The following LOC400499 variants were observed in gnomAD, a reference collection of about 807,000 sequenced individuals.
the LOC400499 span, chr16:11,387,198 G>A: frequency 3.2e-6 from 4 of 1,232,158 alleles, no homozygotes; most frequent in East Asian, 6.3e-5. Context: ...AGCGGCCGCA[G>A]CAGCTTCTCC....
chr16:11,513,510 C>G, the LOC400499 span, among the ~76,000 whole-genome samples: 14 of 152,134 alleles, frequency 9.2e-5, no homozygotes, highest in African/African-American at 2.9e-4. Context: ...TGGCTCACTG[C>G]ACCTCCGCCT....
chr16:11,395,591 C>T, the LOC400499 span, among the ~76,000 whole-genome samples: 2 of 152,188 alleles, frequency 1.3e-5, no homozygotes, highest in Admixed American at 6.5e-5. Flanking sequence ...TCATTCAGCT[C>T]GGATGCCGGG....
chr16:11,498,743 G>A, the LOC400499 span, among the ~76,000 whole-genome samples: 2 of 151,708 alleles, frequency 1.3e-5, no homozygotes, highest in African/African-American at 4.8e-5. Flanking sequence ...TGTGAGGCAG[G>A]TAGAGGAAGC....
At chr16:11,399,242 C>T in the LOC400499 span, 1 of 985,390 alleles carries the variant, frequency 1.0e-6, no homozygotes. Context: ...TTCCCAGCAT[C>T]TCGGGCCGTT....
the LOC400499 span, among the ~76,000 whole-genome samples, chr16:11,473,343 A>T: frequency 8.0e-6 from 1 of 125,656 alleles, no homozygotes; most frequent in African/African-American, 3.1e-5. Flanking sequence ...ACCTTACTCT[A>T]AAAAAAAAAA....
the LOC400499 span, among the ~76,000 whole-genome samples, chr16:11,473,432 G>T: frequency 6.6e-6 from 1 of 151,710 alleles, no homozygotes; most frequent in Non-Finnish European, 1.5e-5. Flanking sequence ...ATCATATTCA[G>T]TGTTGCTGGC....
the LOC400499 span, among the ~76,000 whole-genome samples, chr16:11,434,578 G>C: frequency 6.6e-6 from 1 of 152,190 alleles, no homozygotes; most frequent in Non-Finnish European, 1.5e-5. Flanking sequence ...AAGACCCCCT[G>C]TTCCTGGCCA....
the LOC400499 span, among the ~76,000 whole-genome samples, chr16:11,374,088 T>C: frequency 1.3e-5 from 2 of 152,326 alleles, no homozygotes; most frequent in Admixed American, 1.3e-4. Context: ...AAACTACAAA[T>C]TTAGTAATTA....
chr16:11,384,198 G>T, the LOC400499 span: 1 of 1,227,674 alleles, frequency 8.1e-7, no homozygotes, highest in East Asian at 3.2e-5. Flanking sequence ...AGCAGGACAG[G>T]CAGGTGCACC....
At chr16:11,447,986 C>T in the LOC400499 span, 9 of 1,536,096 alleles carry the variant, frequency 5.9e-6, no homozygotes, top group Non-Finnish European at 4.4e-6. Context: ...TGCCTCAGCT[C>T]CTCCAGCTCT....
At chr16:11,382,807 C>CA in the LOC400499 span, among the ~76,000 whole-genome samples, 1 of 151,730 alleles carries the variant, frequency 6.6e-6, no homozygotes, top group African/African-American at 2.4e-5. Context: ...GAGACTGTCC[C>CA]AAAAAAGAAA....
chr16:11,412,830 GC>G, the LOC400499 span: 1 of 399,138 alleles, frequency 2.5e-6, no homozygotes, highest in Non-Finnish European at 4.4e-6. Context: ...CCTCCTGGGG[GC>G]CCCCCTCACC....
At chr16:11,525,292 C>CA in the LOC400499 span, among the ~76,000 whole-genome samples, 390 of 124,972 alleles carry the variant, frequency 3.1e-3, 1 homozygote, top group East Asian at 0.024. Context: ...GACCTTGTCC[C>CA]AAAAAAAAAA....
At chr16:11,455,823 T>TTTTATAAACTTTAATCTTTTAGATTAAAC in the LOC400499 span, among the ~76,000 whole-genome samples, 52 of 151,980 alleles carry the variant, frequency 3.4e-4, no homozygotes, top group Middle Eastern at 3.4e-3. Context: ...TTTAATCAAC[T>TTTTATAAACTTTAATCTTTTAGATTAAAC]TTTATAAACT....
chr16:11,502,861 G>T, the LOC400499 span, among the ~76,000 whole-genome samples: 1 of 149,774 alleles, frequency 6.7e-6, no homozygotes, highest in African/African-American at 2.5e-5. Context: ...TGATCTGCCC[G>T]CCTCGGCCTT....
chr16:11,443,393 G>C, the LOC400499 span: 19 of 430,138 alleles, frequency 4.4e-5, no homozygotes, highest in East Asian at 1.4e-3. Context: ...CCTGGGACGT[G>C]GAGGTTGCGG....
At chr16:11,469,934 C>T in the LOC400499 span, among the ~76,000 whole-genome samples, 1 of 151,368 alleles carries the variant, frequency 6.6e-6, no homozygotes, top group Admixed American at 6.5e-5. Context: ...CCGAGTCCCG[C>T]TCTGTTGCCC....
chr16:11,445,826 A>T, the LOC400499 span, among the ~76,000 whole-genome samples: 2 of 123,986 alleles, frequency 1.6e-5, no homozygotes, highest in Non-Finnish European at 3.3e-5. Context: ...GAACCCAGTC[A>T]GGAGAACCTT....
the LOC400499 span, among the ~76,000 whole-genome samples, chr16:11,430,812 A>G: frequency 1.3e-5 from 2 of 152,224 alleles, no homozygotes; most frequent in Non-Finnish European, 2.9e-5. Context: ...CAAGTCCTGC[A>G]TAAGGAACCC....
Sources: gnomAD v4.1 joint callset for allele counts (sites outside exome capture counted in the v4.1 genomes callset) on GRCh38, gnomAD v4.1.1 for gene constraint, MANE v1.5 for transcripts.